Variants in HPCA observed in about 807,000 individuals in gnomAD.
HPCA encodes hippocalcin, also known as neuron-specific calcium-binding protein hippocalcin.
A neutral mutation model predicts 18.2 loss-of-function variants in HPCA; 4 were observed. The ratio of observed to expected loss-of-function variants is 0.22; its 90% CI spans 0.11 to 0.50. HPCA has a LOEUF of 0.50. Among genes scored for constraint, HPCA ranks in the 20% least tolerant of loss-of-function variants. HPCA has a pLI of 0.97. For synonymous variants in HPCA, 93 were observed against 103.5 expected, an observed-to-expected ratio of 0.90 and a Z score of 0.61; for missense variants, 161 against 265.8, an observed-to-expected ratio of 0.61 and a Z score of 2.74.
chr1:32,889,016 A>G lies in HPCA; in HGVS notation c.118A>G (p.Thr40Ala). ...WYKGFLKDCPTGILNVDEFKK... is the reference protein window; with the variant it reads ...WYKGFLKDCPAGILNVDEFKK... ...CAAGGGCTTCCTCAAGGACTGCCCC[A>G]CAGGAATCCTCAATGTGGATGAGTT... The change falls in exon 2 of 4, where the codon ACA becomes GCA. Residue 40 changes from threonine (T) to alanine (A), a missense_variant. Thr to Ala is a moderately conservative substitution (Grantham distance 58). Transcript: ENST00000373467. This position sits in a 1 kb window ranked among gnomAD's most constrained non-coding sequence, Gnocchi z 4.6. 1 of 1,614,192 alleles carries G rather than the reference A, an allele frequency of 6.2e-7. No individual in the cohort carries two copies. The highest frequency in any genetic ancestry group is 8.5e-7 in the Non-Finnish European group (1 of 1,180,036).
intron 1 of HPCA, among the ~76,000 whole-genome samples, chr1:32,887,716 C>T (rs1172487005): frequency 3.3e-5 from 5 of 152,118 alleles, no homozygotes; most frequent in African/African-American, 1.2e-4. Context: ...GGCAAGGGTG[C>T]CTGAAGGTCC....
At position 32,893,624 on chromosome 1, in the gene HPCA, A is replaced by G. The variant is rs759386654; in HGVS notation, c.479A>G (p.Asn160Ser). Residue 160 changes from asparagine (N) to serine (S), a missense_variant, in exon 3 of 4, where the codon AAC becomes AGC. Physicochemically the swap from Asn to Ser is conservative, Grantham distance 46 (BLOSUM62 1). Transcript: ENST00000373467. This position sits in a 1 kb window ranked among gnomAD's most constrained non-coding sequence, Gnocchi z 7.5. The stretch of plus-strand genomic sequence containing the variant: ...ATCTTCCGCCAAATGGACACAAACA[A>G]CGACGGTGAGGGGCAGGGGCGGGAC... ...EKIFRQMDTN[N>S]DGKLSLEEFI... 4.9e-6 allele frequency: 7 copies of G among 1,416,206 alleles called. No individual in the cohort carries two copies. Among genetic ancestry groups the G allele is most frequent in the Non-Finnish European group, 7.0e-6 (7 of 999,370 alleles). 87.7% of individuals were successfully genotyped at this position (1,416,206 alleles called of 1,614,324 possible).
chr1:32,888,405 G>A (rs1023963603), intron 1 of HPCA, among the ~76,000 whole-genome samples: 1 of 152,244 alleles, frequency 6.6e-6, no homozygotes, highest in African/African-American at 2.4e-5. Flanking sequence ...TGAGAAGGCA[G>A]TGGGTAGGAC....
chr1:32,888,072 A>T (rs1458764379), intron 1 of HPCA, among the ~76,000 whole-genome samples: 1 of 152,138 alleles, frequency 6.6e-6, no homozygotes, highest in Non-Finnish European at 1.5e-5. Context: ...TATTTATTTA[A>T]CATTTATGTA....
At position 32,893,439 on chromosome 1, in the gene HPCA, C is replaced by A; in HGVS notation, c.379-85C>A. 1.0e-6 allele frequency: 1 copy of A among 956,446 alleles called. No homozygotes were observed. The highest frequency in any genetic ancestry group is 2.0e-5 in the Admixed American group (1 of 48,954). 59.2% of individuals were successfully genotyped at this position (956,446 alleles called of 1,614,324 possible). On this transcript the variant is annotated intron_variant, in intron 2 of 3. Transcript: ENST00000373467. This position sits in a 1 kb window ranked among gnomAD's most constrained non-coding sequence, Gnocchi z 7.5. ...TTGCCCAGGCGGGGGCAGCAAACGT[C>A]AGAGAGCCCGGGGGCGCCTCTGAAT...
In HPCA at chr1:32,894,117, C is replaced by G; in HGVS notation, c.*255C>G. ...TTGGTCTGCCCCTCAGTCAGGCCCC[C>G]TTACCCACCCACCAGCCCCAAGGCC... On this transcript the variant is annotated 3_prime_UTR_variant, in exon 4 of 4. Transcript: ENST00000373467. 2.0e-6 allele frequency: 1 copy of G among 491,782 alleles called. No individual in the cohort carries two copies. 30.5% of individuals were successfully genotyped at this position (491,782 alleles called of 1,614,324 possible). A position where few individuals can be genotyped will look rare whatever the true frequency, so the allele number is the denominator to read the frequency against.
intron 1 of HPCA, among the ~76,000 whole-genome samples, chr1:32,888,107 C>T (rs1641400454): frequency 6.6e-6 from 1 of 152,160 alleles, no homozygotes; most frequent in Admixed American, 6.5e-5. Flanking sequence ...AGCCATGGTT[C>T]TAAGTGCTTC....
In HPCA at chr1:32,893,988, T is replaced by G; in HGVS notation, c.*126T>G. ...AGCCCTTCTCCCCGGGTCTGCCCTGTGGGGGGCTTCCGGAAAAGGGAACCC... is the reference window on the plus strand; with the variant it reads ...AGCCCTTCTCCCCGGGTCTGCCCTGGGGGGGGCTTCCGGAAAAGGGAACCC... On this transcript the variant is annotated 3_prime_UTR_variant, in exon 4 of 4. Transcript: ENST00000373467. The surrounding 1 kb of genome is among the most constrained non-coding windows in gnomAD (Gnocchi z 7.5). 7 of 728,558 alleles carry G rather than the reference T, an allele frequency of 9.6e-6. No homozygotes were observed. The highest frequency in any genetic ancestry group is 4.5e-6 in the Non-Finnish European group (2 of 447,888). The allele number at this position is 728,558 out of a possible 1,614,324, so 45.1% of individuals were successfully genotyped here.
chr1:32,886,793 G>A lies in HPCA; in HGVS notation c.-22+278G>A, dbSNP rs1641376813. On this transcript the variant is annotated intron_variant, in intron 1 of 3. Coordinates refer to ENST00000373467, the MANE Select transcript of HPCA (RefSeq NM_002143.3). The surrounding 1 kb of genome is among the most constrained non-coding windows in gnomAD (Gnocchi z 7.0). Reference sequence around the variant, plus strand: ...GCTGTCCTAGTGCTGAGCGGATGGAGGCGGGGGCTGGGGGACAGAGCTGAG... The same window carrying A: ...GCTGTCCTAGTGCTGAGCGGATGGAAGCGGGGGCTGGGGGACAGAGCTGAG... Among the ~76,000 whole-genome samples the A allele has an allele frequency of 6.6e-6, 1 of 152,162 alleles. No individual in the cohort carries two copies. Among genetic ancestry groups the A allele is most frequent in the Non-Finnish European group, 1.5e-5 (1 of 68,016 alleles).
rs756173300 is a variant in HPCA, at chr1:32,889,168, C to T, written c.270C>T (p.Ser90=). ...TTCGGGAGTTCATCATTGCGCTGAG[C>T]GTGACCTCGCGCGGCCGCCTGGAGC... ...IDFREFIIAL[S]VTSRGRLEQK... is the part of the protein sequence containing the mutation. Residue 90 remains serine, a synonymous_variant, in exon 2 of 4, where the codon AGC becomes AGT. Coordinates refer to ENST00000373467, the MANE Select transcript of HPCA (RefSeq NM_002143.3). The surrounding 1 kb of genome is among the most constrained non-coding windows in gnomAD (Gnocchi z 4.6). 5.0e-6 allele frequency: 8 copies of T among 1,614,142 alleles called. No homozygotes were observed. In the East Asian group the frequency reaches 6.7e-5, roughly 13 times the overall value.
rs956990806 is a variant in HPCA, at chr1:32,894,577, C to G, written c.*715C>G. 36 of 559,054 alleles carry G rather than the reference C, an allele frequency of 6.4e-5. No homozygotes were observed. Among genetic ancestry groups the G allele is most frequent in the Middle Eastern group, 5.1e-4 (1 of 1,952 alleles). 34.6% of individuals were successfully genotyped at this position (559,054 alleles called of 1,614,324 possible). A position where few individuals can be genotyped will look rare whatever the true frequency, so the allele number is the denominator to read the frequency against. On this transcript the variant is annotated 3_prime_UTR_variant, in exon 4 of 4. Coordinates refer to ENST00000373467, the MANE Select transcript of HPCA (RefSeq NM_002143.3). ...CCCCTCTGTCCCCCCAACCGCCCCC[C>G]CTGCATGCAGCCAAATGGAGCATCT...
At position 32,893,859 on chromosome 1, in the gene HPCA, C is replaced by T. The variant is rs950798482; in HGVS notation, c.579C>T (p.Phe193=). The T allele has an allele frequency of 1.9e-6, 3 of 1,563,038 alleles. No homozygotes were observed. The highest frequency in any genetic ancestry group is 1.4e-5 in the African/African-American group (1 of 73,332). ...LQCDPSSASQ[F] The stretch of plus-strand genomic sequence containing the variant: ...GCGACCCCAGCAGCGCCTCCCAGTT[C>T]TGAGAGGAGCCAGGTTCCCCTTCCT... The change falls in exon 4 of 4, where the codon TTC becomes TTT. Residue 193 remains phenylalanine (F), a synonymous_variant. Coordinates refer to ENST00000373467, the MANE Select transcript of HPCA (RefSeq NM_002143.3). This position sits in a 1 kb window ranked among gnomAD's most constrained non-coding sequence, Gnocchi z 7.5.
rs916803969 is a variant in HPCA at position 32,893,937 on chromosome 1, A to T, written c.*75A>T. 8.9e-7 allele frequency: 1 copy of T among 1,123,832 alleles called. No individual in the cohort carries two copies. The highest frequency in any genetic ancestry group is 1.5e-5 in the African/African-American group (1 of 64,856). 69.6% of individuals were successfully genotyped at this position (1,123,832 alleles called of 1,614,324 possible). On this transcript the variant is annotated 3_prime_UTR_variant, in exon 4 of 4. Coordinates refer to ENST00000373467, the MANE Select transcript of HPCA (RefSeq NM_002143.3). This position sits in a 1 kb window ranked among gnomAD's most constrained non-coding sequence, Gnocchi z 7.5. Reference sequence around the variant, plus strand: ...TCTTAGCTTCCACTCCCTTGTGTGTATTCTGGCTGGGGGCCAGATTGGGGA... The same window carrying T: ...TCTTAGCTTCCACTCCCTTGTGTGTTTTCTGGCTGGGGGCCAGATTGGGGA...
chr1:32,888,581 G>A (rs1167327617), intron 1 of HPCA, among the ~76,000 whole-genome samples: 1 of 152,172 alleles, frequency 6.6e-6, no homozygotes, highest in Non-Finnish European at 1.5e-5. Context: ...AAAGTGAATT[G>A]GTGTGCATTT....
At position 32,886,669 on chromosome 1, in the gene HPCA, G is replaced by A. The variant is rs1472336070; in HGVS notation, c.-22+154G>A. Among the ~76,000 whole-genome samples, 4 of 152,042 alleles carry A rather than the reference G, an allele frequency of 2.6e-5. No individual in the cohort carries two copies. The highest frequency in any genetic ancestry group is 5.9e-5 in the Non-Finnish European group (4 of 67,940). ...GGGGGCGCTGGGGACTGGGAAGCGC[G>A]CGGTGCTCTCCAGGGTCCTGACCGC... On this transcript the variant is annotated intron_variant, in intron 1 of 3. Coordinates refer to ENST00000373467, the MANE Select transcript of HPCA (RefSeq NM_002143.3). The surrounding 1 kb of genome is among the most constrained non-coding windows in gnomAD (Gnocchi z 7.0).
intron 1 of HPCA, among the ~76,000 whole-genome samples, chr1:32,888,233 G>C (rs757704638): frequency 6.6e-6 from 1 of 152,166 alleles, no homozygotes; most frequent in Non-Finnish European, 1.5e-5. Context: ...TCACATAGCT[G>C]GTAAGAGGAG....
At position 32,893,655 on chromosome 1, in the gene HPCA, G is replaced by A; in HGVS notation, c.484+26G>A. The A allele has an allele frequency of 1.3e-6, 2 of 1,573,452 alleles. No homozygotes were observed. The highest frequency in any genetic ancestry group is 1.7e-6 in the Non-Finnish European group (2 of 1,144,928). ...GTGAGGGGCAGGGGCGGGACGGGGT[G>A]GACGGGGCGGGCGCCTTTCCCTCCC... On this transcript the variant is annotated intron_variant, in intron 3 of 3. Coordinates refer to ENST00000373467, the MANE Select transcript of HPCA (RefSeq NM_002143.3). This position sits in a 1 kb window ranked among gnomAD's most constrained non-coding sequence, Gnocchi z 7.5.
chr1:32,892,402 C>T (rs1377957995), intron 2 of HPCA, among the ~76,000 whole-genome samples: 2 of 152,158 alleles, frequency 1.3e-5, no homozygotes, highest in African/African-American at 2.4e-5. Flanking sequence ...AGGAAAAGTC[C>T]GCCAGGCTCT....
Position 32,889,464 on chromosome 1 carries a change from C to G in HPCA, c.378+188C>G, listed in dbSNP as rs754456823. On this transcript the variant is annotated intron_variant, in intron 2 of 3. Coordinates refer to ENST00000373467, the MANE Select transcript of HPCA (RefSeq NM_002143.3). The surrounding 1 kb of genome is among the most constrained non-coding windows in gnomAD (Gnocchi z 4.6). ...AAAAGTTGAGAAAACTCCCCTATAC[C>G]CTCTACCCAGATTCACCAATTAACA... 6.6e-6 allele frequency among the ~76,000 whole-genome samples: 1 copy of G among 152,180 alleles called. No homozygotes were observed. The highest frequency in any genetic ancestry group is 2.4e-5 in the African/African-American group (1 of 41,418).
Sources: allele counts gnomAD v4.1 joint callset (sites outside exome capture counted in the v4.1 genomes callset), GRCh38; gene constraint gnomAD v4.1.1; non-coding constraint Gnocchi (gnomAD v3.1); transcripts MANE v1.5; gene names NCBI Gene and HGNC (gene_info 2026-07-23, HGNC 2026-07-21).